The following CPNE4 variants were observed in gnomAD, a reference collection of about 807,000 sequenced individuals.
CPNE4 encodes copine-4.
CPNE4 carries 25 observed loss-of-function variants against 67.9 expected under a neutral mutation model. The observed-to-expected ratio is 0.37, with a 90% CI of 0.27 to 0.51. The LOEUF is 0.51. Among genes scored for constraint, CPNE4 ranks in the 20% least tolerant of loss-of-function variants. The pLI, the probability that CPNE4 is intolerant of heterozygous loss-of-function variation, is 0.93. For missense variants in CPNE4, 464 were observed against 690.8 expected, an observed-to-expected ratio of 0.67 and a Z score of 3.68; for synonymous variants, 242 against 244.9, an observed-to-expected ratio of 0.99 and a Z score of 0.11.
chr3:131,980,730 T>A lies in CPNE4; in HGVS notation c.-2+53837A>T, dbSNP rs1583554729. Among the ~76,000 whole-genome samples the A allele has an allele frequency of 3.3e-5, 5 of 152,300 alleles. No individual in the cohort carries two copies. The South Asian group carries it at 1.0e-3, about 32-fold the overall frequency. Reference sequence around the variant, plus strand: ...GGATTTCTTCTTGGTTTGGTTCCATTGCTGGTGAACTAGTGTGATTTTTGG... The same window carrying A: ...GGATTTCTTCTTGGTTTGGTTCCATAGCTGGTGAACTAGTGTGATTTTTGG... On this transcript the variant is annotated intron_variant, in intron 1 of 15. Transcript: ENST00000429747.
At chr3:132,020,155 G>C (rs977508872) in intron 1 of CPNE4, among the ~76,000 whole-genome samples, 1 of 152,194 alleles carries the variant, frequency 6.6e-6, no homozygotes, top group African/African-American at 2.4e-5. Flanking sequence ...CTTGTGAAGG[G>C]CTTTCCCCCT....
chr3:131,661,908 A>C (rs2080136943), intron 7 of CPNE4, among the ~76,000 whole-genome samples: 1 of 152,120 alleles, frequency 6.6e-6, no homozygotes, highest in Non-Finnish European at 1.5e-5. Context: ...TGTGTTTTGC[A>C]CCAATAATCG....
rs367679264 is a variant in CPNE4 at position 131,804,136 on chromosome 3, A to G, written c.181-80511T>C. ...TAGTTGAAATTCTCTTTTACCACTG[A>G]ACATTTGTGATTCTCTGATTCAACT... On this transcript the variant is annotated intron_variant, in intron 2 of 15. Transcript: ENST00000429747. 4.9e-4 allele frequency among the ~76,000 whole-genome samples: 74 copies of G among 152,246 alleles called. 2 individuals carry two copies. The South Asian group carries it at 0.013, about 27-fold the overall frequency.
At chr3:131,560,065 A>G (rs80283262) in intron 11 of CPNE4, among the ~76,000 whole-genome samples, 4,163 of 152,138 alleles carry the variant, frequency 0.027, 63 homozygotes, top group Middle Eastern at 0.051. Flanking sequence ...AACTGACACA[A>G]TAGTTCTGTC....
chr3:131,660,318 G>A (rs1212453200), intron 7 of CPNE4, among the ~76,000 whole-genome samples: 1 of 146,172 alleles, frequency 6.8e-6, no homozygotes, highest in Non-Finnish European at 1.5e-5. Flanking sequence ...TTCCAATTTG[G>A]AGTCACTAAA....
At chr3:131,899,298 AATT>A (rs1327011200) in intron 2 of CPNE4, among the ~76,000 whole-genome samples, 2 of 152,076 alleles carry the variant, frequency 1.3e-5, no homozygotes, top group African/African-American at 4.8e-5. Context: ...GGAAGATGCT[AATT>A]ATCACCAGCT....
intron 10 of CPNE4, among the ~76,000 whole-genome samples, chr3:131,565,802 TAGTACTAAG>T (rs1177118618): frequency 6.9e-6 from 1 of 145,570 alleles, no homozygotes; most frequent in Non-Finnish European, 1.5e-5. Context: ...TGATAAATGC[TAGTACTAAG>T]AGTATGTAAA....
intron 3 of CPNE4, among the ~76,000 whole-genome samples, chr3:131,711,585 G>T (rs1053332885): frequency 2.6e-5 from 4 of 152,146 alleles, no homozygotes; most frequent in African/African-American, 7.2e-5. Context: ...CACCTTTGCT[G>T]ACCTGTGCTC....
chr3:131,970,183 G>C (rs564988823), intron 1 of CPNE4, among the ~76,000 whole-genome samples: 37 of 152,308 alleles, frequency 2.4e-4, no homozygotes, highest in African/African-American at 8.4e-4. Context: ...ATGCTCTAGA[G>C]ATAGTGGAAT....
chr3:131,581,796 T>C (rs990883729), intron 8 of CPNE4, 131 bp from the exon 9 acceptor site: 7 of 672,202 alleles, frequency 1.0e-5, no homozygotes, highest in Admixed American at 2.3e-5. Flanking sequence ...GTGGTAACTC[T>C]TGCATCTAGA....
At chr3:131,915,999 G>A (rs918874566) in intron 1 of CPNE4, among the ~76,000 whole-genome samples, 1 of 152,140 alleles carries the variant, frequency 6.6e-6, no homozygotes, top group Admixed American at 6.6e-5. Flanking sequence ...TTTAAATGCT[G>A]ACAGAAAGTT....
intron 10 of CPNE4, 150 bp downstream of exon 10, chr3:131,574,921 C>T: frequency 1.6e-6 from 1 of 623,078 alleles, no homozygotes; most frequent in Non-Finnish European, 2.9e-6. Context: ...ATTTCAAAAA[C>T]ACGATACCAT....
intron 1 of CPNE4, among the ~76,000 whole-genome samples, chr3:131,994,166 G>A (rs370524725): frequency 7.3e-6 from 1 of 136,446 alleles, no homozygotes; most frequent in South Asian, 2.5e-4. Context: ...TTCATATGCT[G>A]TAAAAACTAC....
chr3:132,005,703 CAA>C (rs1306038651), intron 1 of CPNE4, among the ~76,000 whole-genome samples: 2 of 151,812 alleles, frequency 1.3e-5, no homozygotes, highest in African/African-American at 4.8e-5. Context: ...CACACATACC[CAA>C]GTTTCCCAGT....
At chr3:131,619,353 T>G (rs1940338267) in intron 7 of CPNE4, among the ~76,000 whole-genome samples, 1 of 152,148 alleles carries the variant, frequency 6.6e-6, no homozygotes, top group African/African-American at 2.4e-5. Context: ...CTTAGACAAG[T>G]GTTTCTGGTT....
intron 1 of CPNE4, among the ~76,000 whole-genome samples, chr3:131,920,849 G>T (rs779612455): frequency 2.6e-5 from 4 of 152,040 alleles, no homozygotes; most frequent in African/African-American, 9.7e-5. Flanking sequence ...ATCTAGAAGG[G>T]CACTGCTCCT....
intron 2 of CPNE4, among the ~76,000 whole-genome samples, chr3:131,773,579 C>G (rs2083222728): frequency 6.6e-6 from 1 of 152,010 alleles, no homozygotes; most frequent in African/African-American, 2.4e-5. Flanking sequence ...AACTCCTGAT[C>G]TCAAGAGATC....
chr3:131,832,983 C>T (rs914760910), intron 2 of CPNE4, among the ~76,000 whole-genome samples: 5 of 152,018 alleles, frequency 3.3e-5, no homozygotes, highest in African/African-American at 1.2e-4. Flanking sequence ...GGAAGTGAGG[C>T]CATTGGTAGG....
intron 2 of CPNE4, among the ~76,000 whole-genome samples, chr3:131,733,118 TA>T (rs1041866133): frequency 3.3e-5 from 5 of 152,222 alleles, no homozygotes; most frequent in African/African-American, 1.2e-4. Flanking sequence ...TTAACTTGCC[TA>T]AGGTCACCCA....
Sources: gnomAD v4.1 joint callset for allele counts (sites outside exome capture counted in the v4.1 genomes callset) on GRCh38, gnomAD v4.1.1 for gene constraint, MANE v1.5 for transcripts, NCBI Gene and HGNC (gene_info 2026-07-23, HGNC 2026-07-21) for gene names.